The following IL1RL1 variants were observed in gnomAD, a reference collection of about 807,000 sequenced individuals.
IL1RL1 encodes the protein interleukin-1 receptor-like 1.
Under a neutral mutation model 50.9 loss-of-function variants are expected in IL1RL1, and 32 were observed. The observed-to-expected ratio is 0.63, with a 90% confidence interval of 0.47 to 0.84. The LOEUF is 0.84. IL1RL1 is among the 40% of genes least tolerant of loss of function. IL1RL1 has a pLI of 0.00. For synonymous variants in IL1RL1, 275 were observed against 236.0 expected, an observed-to-expected ratio of 1.17 and a Z score of -1.51; for missense variants, 773 against 662.9, an observed-to-expected ratio of 1.17 and a Z score of -1.82.
rs974168284 is a variant in IL1RL1, at chr2:102,351,635, A to G, written c.1385A>G (p.Gln462Arg). Residue 462 changes from glutamine to arginine, a missense_variant, in exon 11 of 11, where the codon CAG becomes CGG. By Grantham distance (43) the Gln-to-Arg change is conservative. Transcript: ENST00000233954. ...ITHNKEFAYEQEVALHCALIQ... is the reference protein window; with the variant it reads ...ITHNKEFAYEREVALHCALIQ... ...CACAATAAGGAGTTTGCCTACGAGC[A>G]GGAGGTTGCCCTGCACTGTGCCCTC... 1.9e-6 allele frequency: 3 copies of G among 1,614,180 alleles called. No individual in the cohort carries two copies. The highest frequency in any genetic ancestry group is 2.5e-6 in the Non-Finnish European group (3 of 1,180,020).
chr2:102,317,083 G>A (rs1351635643), intron 1 of IL1RL1, among the ~76,000 whole-genome samples: 1 of 152,180 alleles, frequency 6.6e-6, no homozygotes, highest in Non-Finnish European at 1.5e-5. Context: ...AGCCCAGCAT[G>A]GTGGCTCACG....
intron 10 of IL1RL1, among the ~76,000 whole-genome samples, 155 bp downstream of exon 10, chr2:102,349,401 C>T (rs542098602): frequency 2.6e-5 from 4 of 152,296 alleles, no homozygotes; most frequent in East Asian, 3.9e-4. Context: ...AGACACTTAT[C>T]CTTCAATCGC....
chr2:102,341,494 A>C (rs1677562803), intron 5 of IL1RL1: 2 of 279,180 alleles, frequency 7.2e-6, no homozygotes, highest in African/African-American at 2.3e-5. Context: ...GTCGATCTAC[A>C]GACGTAGATG....
At chr2:102,330,050 A>T (rs914192362) in intron 1 of IL1RL1, among the ~76,000 whole-genome samples, 3 of 152,212 alleles carry the variant, frequency 2.0e-5, no homozygotes, top group Admixed American at 6.5e-5. Flanking sequence ...ATATGTTTAT[A>T]GCGGCACTAT....
chr2:102,349,382 T>C, intron 10 of IL1RL1, 136 bp downstream of exon 10: 1 of 664,130 alleles, frequency 1.5e-6, no homozygotes, highest in South Asian at 1.8e-5. Flanking sequence ...TAAATATTTA[T>C]CCAGAAGCAG....
intron 1 of IL1RL1, among the ~76,000 whole-genome samples, chr2:102,327,625 A>G (rs1463377877): frequency 6.6e-6 from 1 of 152,218 alleles, no homozygotes; most frequent in Admixed American, 6.5e-5. Context: ...AATAAAGAAG[A>G]AAAGGGAGAA....
In IL1RL1 at chr2:102,349,081, G is replaced by A. The variant is rs1677861840; in HGVS notation, c.1120G>A (p.Gly374Arg). The A allele has an allele frequency of 6.2e-7, 1 of 1,611,978 alleles. No individual in the cohort carries two copies. The highest frequency in any genetic ancestry group is 8.5e-7 in the Non-Finnish European group (1 of 1,178,506). ...IAKPYKTRNDGKLYDAYVVYP... is the reference protein window; with the variant it reads ...IAKPYKTRNDRKLYDAYVVYP... ...GTACTTCTTGTTTTCATTTTCAGAT[G>A]GAAAGCTCTATGATGCTTATGTTGT... The change falls in exon 10 of 11, where the codon GGA becomes AGA. Residue 374 changes from glycine (G) to arginine (R), a missense_variant and splice_region_variant. By Grantham distance (125) the Gly-to-Arg change is moderately radical. Transcript: ENST00000233954.
rs1380240433 is a variant in IL1RL1, at chr2:102,335,477, A to T, written c.-149-2639A>T. ...TTTGTCAAATTACTTAAACAGTCTT[A>T]TCCTTGGGTTTTTATTTGTAACTAT... On this transcript the variant is annotated intron_variant, in intron 1 of 10. Coordinates refer to ENST00000233954, the MANE Select transcript of IL1RL1 (RefSeq NM_016232.5). Among the ~76,000 whole-genome samples the T allele has an allele frequency of 2.3e-4, 35 of 152,182 alleles. 1 individual carries two copies. The highest frequency in any genetic ancestry group is 2.2e-3 in the Admixed American group (34 of 15,278).
rs140073514 is a variant in IL1RL1 at position 102,343,105 on chromosome 2, G to C, written c.752G>C (p.Trp251Ser). The C allele has an allele frequency of 6.9e-5, 111 of 1,613,910 alleles. No homozygotes were observed. Among genetic ancestry groups the C allele is most frequent in the Non-Finnish European group, 9.2e-5 (108 of 1,179,952 alleles). Reference sequence around the variant, plus strand: ...ACTCAGTTCTTGGCTGCCGTCCTGTGGCAGCTTAATGGAACAAAAATTACA... The same window carrying C: ...ACTCAGTTCTTGGCTGCCGTCCTGTCGCAGCTTAATGGAACAAAAATTACA... ...KGTQFLAAVL[W>S]QLNGTKITDF... Residue 251 changes from tryptophan to serine, a missense_variant, in exon 7 of 11, where the codon TGG becomes TCG. By Grantham distance (177) the Trp-to-Ser change is radical (BLOSUM62 -3). Coordinates refer to ENST00000233954, the MANE Select transcript of IL1RL1 (RefSeq NM_016232.5).
In IL1RL1 at chr2:102,348,006, T is replaced by C. The variant is rs1677830090; in HGVS notation, c.1032T>C (p.Asn344=). Reference sequence around the variant, plus strand: ...GTAGTGTATTTTTAATGCTAATCAATGTCCTGGTTATCATCCTAAAAATGT... The same window carrying C: ...GTAGTGTATTTTTAATGCTAATCAACGTCCTGGTTATCATCCTAAAAATGT... The part of the protein sequence containing the change: ...AVCSVFLMLI[N]VLVIILKMFW... Residue 344 remains asparagine (N), a synonymous_variant, in exon 9 of 11, where the codon AAT becomes AAC. Transcript: ENST00000233954. 6.3e-7 allele frequency: 1 copy of C among 1,584,614 alleles called. No individual in the cohort carries two copies. The highest frequency in any genetic ancestry group is 1.3e-5 in the African/African-American group (1 of 74,310).
Position 102,348,236 on chromosome 2 carries a change from T to C in IL1RL1, c.1117+145T>C, listed in dbSNP as rs1377623750. 3 of 652,932 alleles carry C rather than the reference T, an allele frequency of 4.6e-6. No homozygotes were observed. The African/African-American group carries it at 5.5e-5, about 12-fold the overall frequency. The allele number at this position is 652,932 out of a possible 1,614,324, so 40.4% of individuals were successfully genotyped here. On this transcript the variant is annotated intron_variant, in intron 9 of 10. Transcript: ENST00000233954. ...ATCTGTTATCAGTGAGTTGTGTTTT[T>C]GGATTTTCTTAAAGGCCATTTTCCA...
At position 102,340,827 on chromosome 2, in the gene IL1RL1, G is replaced by A. The variant is rs1677531066; in HGVS notation, c.609G>A (p.Lys203=). 1.9e-6 allele frequency: 3 copies of A among 1,569,152 alleles called. No homozygotes were observed. Among genetic ancestry groups the A allele is most frequent in the Non-Finnish European group, 2.6e-6 (3 of 1,165,862 alleles). Residue 203 remains lysine, a splice_region_variant and synonymous_variant, in exon 5 of 11, where the codon AAG becomes AAA. Coordinates refer to ENST00000233954, the MANE Select transcript of IL1RL1 (RefSeq NM_016232.5). ...CGGCGACCAGGTCCTTCACGGTCAA[G>A]GGTAAGCTACTGACATTAATGAGAT... is the stretch of plus-strand genomic sequence containing the variant. ...SVTATRSFTV[K]DEQGFSLFPV...
chr2:102,343,820 C>A (rs1025357058), intron 8 of IL1RL1: 1 of 1,041,058 alleles, frequency 9.6e-7, no homozygotes, highest in African/African-American at 1.7e-5. Context: ...CCGTTCTATA[C>A]CTTTTTCTGG....
chr2:102,345,880 G>T (rs925040911), intron 8 of IL1RL1: 3 of 985,424 alleles, frequency 3.0e-6, no homozygotes, highest in Non-Finnish European at 3.6e-6. Context: ...CATCCATCCA[G>T]CCTGCCCACT....
chr2:102,326,620 G>C (rs141870368), intron 1 of IL1RL1, among the ~76,000 whole-genome samples: 1 of 152,026 alleles, frequency 6.6e-6, no homozygotes, highest in Non-Finnish European at 1.5e-5. Context: ...CTCACATGCC[G>C]GGACACACAT....
chr2:102,318,142 G>T (rs970027649), intron 1 of IL1RL1, among the ~76,000 whole-genome samples: 3 of 152,106 alleles, frequency 2.0e-5, no homozygotes, highest in Non-Finnish European at 4.4e-5. Flanking sequence ...TAATTTGAAA[G>T]GATCACTCTA....
chr2:102,326,226 C>A lies in IL1RL1; in HGVS notation c.-149-11890C>A, dbSNP rs1304529266. The stretch of plus-strand genomic sequence containing the variant: ...CATTCTTAAAGAAAAGAATTTTCAA[C>A]CCAGAATTTCATATCTAGCCAAACT... On this transcript the variant is annotated intron_variant, in intron 1 of 10. Transcript: ENST00000233954. Among the ~76,000 whole-genome samples the A allele has an allele frequency of 2.6e-5, 4 of 152,136 alleles. No individual in the cohort carries two copies. The East Asian group carries it at 5.8e-4, about 22-fold the overall frequency.
chr2:102,334,959 C>A (rs1472850325), intron 1 of IL1RL1, among the ~76,000 whole-genome samples: 1 of 151,884 alleles, frequency 6.6e-6, no homozygotes, highest in African/African-American at 2.4e-5. Flanking sequence ...TAGGCACATA[C>A]AGGATTTCAA....
At chr2:102,343,643 C>A in intron 8 of IL1RL1, 1 of 1,423,818 alleles carries the variant, frequency 7.0e-7, no homozygotes, top group Non-Finnish European at 9.2e-7. Context: ...TCCCTCCTAT[C>A]GTTGGTTTGT....
Sources: gnomAD v4.1 joint callset for allele counts (sites outside exome capture counted in the v4.1 genomes callset) on GRCh38, gnomAD v4.1.1 for gene constraint, MANE v1.5 for transcripts, NCBI Gene and HGNC (gene_info 2026-07-23, HGNC 2026-07-21) for gene names.